CADM2: variants seen among roughly 807,000 people sequenced by gnomAD.
CADM2 encodes immunoglobulin superfamily member 4D.
Under a neutral mutation model 49.8 loss-of-function variants are expected in CADM2, and 12 were observed. That is an observed-to-expected ratio of 0.24 (90% CI 0.15 to 0.39). CADM2 has a LOEUF of 0.39. Among genes scored for constraint, CADM2 ranks in the 10% least tolerant of loss-of-function variants. The pLI is 1.00. For missense variants in CADM2, 378 were observed against 492.3 expected (o/e 0.77, Z 2.20); for synonymous variants, 214 against 175.4 (o/e 1.22, Z -1.74).
At chr3:85,549,309 A>G (rs1384421810) in intron 1 of CADM2, among the ~76,000 whole-genome samples, 4 of 152,172 alleles carry the variant, frequency 2.6e-5, no homozygotes, top group African/African-American at 9.7e-5. Flanking sequence ...AGAATAAACA[A>G]CAGGCAAATG....
chr3:85,470,235 ATAAC>A (rs1403059060), intron 1 of CADM2, among the ~76,000 whole-genome samples: 1 of 152,224 alleles, frequency 6.6e-6, no homozygotes, highest in Non-Finnish European at 1.5e-5. Context: ...TCATAATCAA[ATAAC>A]AATGCGAAGA....
intron 1 of CADM2, among the ~76,000 whole-genome samples, chr3:85,591,329 A>T (rs2063101577): frequency 6.6e-6 from 1 of 152,104 alleles, no homozygotes; most frequent in Non-Finnish European, 1.5e-5. Context: ...GACAAGTGGG[A>T]GTATATTTAA....
chr3:85,489,757 T>TGA (rs776916810), intron 1 of CADM2, among the ~76,000 whole-genome samples: 36 of 66,042 alleles, frequency 5.5e-4, no homozygotes, highest in Non-Finnish European at 8.2e-4. Flanking sequence ...TGTGTGTGTG[T>TGA]GAGAGAGAGA....
intron 1 of CADM2, among the ~76,000 whole-genome samples, chr3:84,984,356 TAAAA>T (rs375702349): frequency 4.5e-5 from 3 of 67,088 alleles, no homozygotes; most frequent in African/African-American, 7.5e-5. Context: ...AAGATTAAGC[TAAAA>T]AAAAAAAAAA....
intron 2 of CADM2, among the ~76,000 whole-genome samples, chr3:85,770,527 C>T (rs2070024895): frequency 1.3e-5 from 2 of 152,094 alleles, no homozygotes; most frequent in Admixed American, 6.6e-5. Flanking sequence ...CTACGTTGCT[C>T]AGGCTAGTCT....
At chr3:85,888,609 T>C (rs1559723664) in intron 5 of CADM2, among the ~76,000 whole-genome samples, 1 of 152,194 alleles carries the variant, frequency 6.6e-6, no homozygotes, top group Admixed American at 6.5e-5. Context: ...TGTCTATCTA[T>C]GTATCTATGT....
chr3:85,754,183 T>A (rs1361759740), intron 2 of CADM2, among the ~76,000 whole-genome samples: 1 of 152,190 alleles, frequency 6.6e-6, no homozygotes, highest in Non-Finnish European at 1.5e-5. Flanking sequence ...TGTCTCTTAA[T>A]GTGCACACTT....
At chr3:85,775,635 C>G (rs2107971151) in intron 2 of CADM2, among the ~76,000 whole-genome samples, 1 of 151,942 alleles carries the variant, frequency 6.6e-6, no homozygotes, top group South Asian at 2.1e-4. Flanking sequence ...TTTGCTTCCT[C>G]CAAATTCAGC....
chr3:85,673,944 C>G (rs2065820409), intron 1 of CADM2, among the ~76,000 whole-genome samples: 1 of 152,036 alleles, frequency 6.6e-6, no homozygotes, highest in African/African-American at 2.4e-5. Flanking sequence ...TGAAAAGACC[C>G]TGGGATGTTT....
chr3:85,035,610 A>C (rs1236590183), intron 1 of CADM2, among the ~76,000 whole-genome samples: 1 of 152,078 alleles, frequency 6.6e-6, no homozygotes, highest in African/African-American at 2.4e-5. Flanking sequence ...ATGGGGGGAG[A>C]TAGGACTCTA....
intron 1 of CADM2, among the ~76,000 whole-genome samples, chr3:85,075,201 G>A (rs556163057): frequency 6.6e-6 from 1 of 151,710 alleles, no homozygotes; most frequent in South Asian, 2.1e-4. Context: ...ACCTAATTTA[G>A]TGATCAGGCC....
intron 1 of CADM2, among the ~76,000 whole-genome samples, chr3:85,703,928 T>G (rs1050971155): frequency 6.6e-6 from 1 of 152,200 alleles, no homozygotes; most frequent in African/African-American, 2.4e-5. Flanking sequence ...CCTGAACCCC[T>G]TCTACATCTA....
chr3:85,586,767 A>G (rs919019299), intron 1 of CADM2, among the ~76,000 whole-genome samples: 3 of 152,124 alleles, frequency 2.0e-5, no homozygotes, highest in African/African-American at 4.8e-5. Context: ...TGAAAATCCA[A>G]TGTCAAGTAT....
chr3:85,112,615 T>A (rs1033111011), intron 1 of CADM2, among the ~76,000 whole-genome samples: 2 of 151,834 alleles, frequency 1.3e-5, no homozygotes, highest in African/African-American at 4.8e-5. Flanking sequence ...AATTCTTCAG[T>A]ACTATATATA....
intron 1 of CADM2, among the ~76,000 whole-genome samples, chr3:85,488,239 T>C (rs1173238414): frequency 6.6e-6 from 1 of 152,180 alleles, no homozygotes; most frequent in Non-Finnish European, 1.5e-5. Flanking sequence ...GGGAAAGAAG[T>C]CCACATGTAA....
intron 1 of CADM2, among the ~76,000 whole-genome samples, chr3:85,314,168 G>A (rs952387184): frequency 1.3e-5 from 2 of 152,264 alleles, no homozygotes; most frequent in African/African-American, 4.8e-5. Context: ...GGTTACAGGC[G>A]TGAGCCACCG....
At chr3:85,213,610 A>G (rs1361814504) in intron 1 of CADM2, among the ~76,000 whole-genome samples, 1 of 152,086 alleles carries the variant, frequency 6.6e-6, no homozygotes, top group Admixed American at 6.5e-5. Context: ...TCAAAGTACA[A>G]TATTTGACAT....
intron 1 of CADM2, among the ~76,000 whole-genome samples, chr3:85,631,615 C>T (rs928589340): frequency 3.3e-5 from 5 of 151,888 alleles, no homozygotes; most frequent in Admixed American, 6.6e-5. Context: ...ATTTCTCCCA[C>T]GAATTAATTT....
At chr3:85,914,441 TG>T (rs1360902595) in intron 6 of CADM2, among the ~76,000 whole-genome samples, 1 of 152,098 alleles carries the variant, frequency 6.6e-6, no homozygotes, top group Non-Finnish European at 1.5e-5. Context: ...CTTACATCAG[TG>T]GGTCTCTCAA....
Sources: allele counts gnomAD v4.1 joint callset (sites outside exome capture counted in the v4.1 genomes callset), GRCh38; gene constraint gnomAD v4.1.1; transcripts MANE v1.5; gene names NCBI Gene and HGNC (gene_info 2026-07-23, HGNC 2026-07-21).